Variants in BMPER observed in about 807,000 individuals in gnomAD.
BMPER encodes BMP-binding endothelial regulator protein.
BMPER carries 45 observed loss-of-function variants against 87.3 expected under a neutral mutation model. The observed-to-expected ratio is 0.52, with a 90% CI of 0.41 to 0.66. BMPER has a LOEUF of 0.66. BMPER is among the 30% of genes least tolerant of loss of function. The probability of loss-of-function intolerance (pLI) is 0.00; values close to 1 mark genes in which losing one functional copy is unlikely to be tolerated. For missense variants in BMPER, 784 were observed against 867.5 expected (o/e 0.90, Z 1.21); for synonymous variants, 326 against 316.2 (o/e 1.03, Z -0.33).
intron 8 of BMPER, among the ~76,000 whole-genome samples, chr7:34,052,980 C>A (rs535997614): frequency 6.6e-6 from 1 of 152,288 alleles, no homozygotes; most frequent in East Asian, 1.9e-4. Context: ...GGCCTTCATC[C>A]TCAGGACTTT....
At chr7:34,080,822 T>C (rs1208327410) in intron 12 of BMPER, among the ~76,000 whole-genome samples, 1 of 152,194 alleles carries the variant, frequency 6.6e-6, no homozygotes, top group African/African-American at 2.4e-5. Context: ...AGAGGTTCGA[T>C]AGTGTTCCAT....
At chr7:33,909,585 A>T (rs1030137111) in intron 2 of BMPER, among the ~76,000 whole-genome samples, 3 of 152,016 alleles carry the variant, frequency 2.0e-5, no homozygotes, top group African/African-American at 7.3e-5. Context: ...CTTTGGATAA[A>T]GAAAATAGTC....
chr7:33,923,391 T>C (rs529857022), intron 2 of BMPER, among the ~76,000 whole-genome samples: 1 of 152,328 alleles, frequency 6.6e-6, no homozygotes, highest in Admixed American at 6.5e-5. Flanking sequence ...CCCTCTTCTG[T>C]GGGGACATTG....
intron 6 of BMPER, among the ~76,000 whole-genome samples, chr7:34,013,877 C>T (rs1188863639): frequency 6.6e-6 from 1 of 151,956 alleles, no homozygotes; most frequent in Non-Finnish European, 1.5e-5. Context: ...CTTTTCTCCT[C>T]TTTTTACCCA....
At chr7:33,910,679 A>G (rs1783935878) in intron 2 of BMPER, among the ~76,000 whole-genome samples, 1 of 152,244 alleles carries the variant, frequency 6.6e-6, no homozygotes, top group African/African-American at 2.4e-5. Flanking sequence ...CCCTTTGCTC[A>G]TAAAAAGCAA....
intron 13 of BMPER, among the ~76,000 whole-genome samples, chr7:34,140,591 G>A (rs530187187): frequency 6.6e-6 from 1 of 152,270 alleles, no homozygotes; most frequent in South Asian, 2.1e-4. Flanking sequence ...TGTGGGTGAG[G>A]TGGAGTGTAT....
chr7:33,905,792 GGTACCTGGGAAAGGTGGCGCTGGCTTGC>G, intron 1 of BMPER, 46 bp downstream of exon 1: 3 of 1,539,396 alleles, frequency 1.9e-6, no homozygotes, highest in Non-Finnish European at 1.8e-6. Flanking sequence ...ACGCCGGTTT[GGTACCTGGGAAAGGTGGCGCTGGCTTGC>G]CCCGGGGATG....
chr7:34,019,531 C>T (rs1787124933), intron 6 of BMPER, among the ~76,000 whole-genome samples: 1 of 152,162 alleles, frequency 6.6e-6, no homozygotes, highest in South Asian at 2.1e-4. Context: ...GGCAAGCTGC[C>T]TGATGTTGCT....
intron 14 of BMPER, among the ~76,000 whole-genome samples, chr7:34,151,669 T>C (rs1325208092): frequency 1.3e-5 from 2 of 152,206 alleles, no homozygotes; most frequent in African/African-American, 4.8e-5. Context: ...CCAAAGCATC[T>C]GGTACAGGGA....
intron 13 of BMPER, among the ~76,000 whole-genome samples, chr7:34,118,711 G>A (rs528783090): frequency 6.6e-6 from 1 of 152,132 alleles, no homozygotes; most frequent in Non-Finnish European, 1.5e-5. Flanking sequence ...CTCTGTGCAG[G>A]TATCACTTAT....
At chr7:34,118,924 A>T (rs1291058689) in intron 13 of BMPER, among the ~76,000 whole-genome samples, 1 of 151,754 alleles carries the variant, frequency 6.6e-6, no homozygotes. Context: ...GCTACTCTAC[A>T]GATTTTGGAT....
At chr7:33,929,712 C>G (rs1217978708) in intron 2 of BMPER, among the ~76,000 whole-genome samples, 1 of 152,184 alleles carries the variant, frequency 6.6e-6, no homozygotes, top group Non-Finnish European at 1.5e-5. Flanking sequence ...CGTTTAACCT[C>G]TCCGTGCCTC....
chr7:34,111,449 G>C (rs1465479701), intron 13 of BMPER, among the ~76,000 whole-genome samples: 2 of 152,224 alleles, frequency 1.3e-5, no homozygotes, highest in Non-Finnish European at 2.9e-5. Flanking sequence ...ATTGGCTGAG[G>C]CTTGAATGTT....
chr7:34,096,725 G>A (rs540364800), intron 13 of BMPER, among the ~76,000 whole-genome samples: 14 of 152,220 alleles, frequency 9.2e-5, no homozygotes, highest in Non-Finnish European at 5.9e-5. Context: ...TTGGGGGTTG[G>A]CAGTTTTATT....
intron 13 of BMPER, among the ~76,000 whole-genome samples, chr7:34,113,579 G>A (rs557380021): frequency 1.3e-5 from 2 of 151,052 alleles, no homozygotes; most frequent in South Asian, 2.1e-4. Flanking sequence ...AAATGTCCAT[G>A]CAGTTTTACA....
At chr7:34,064,286 G>A (rs1788518160) in intron 11 of BMPER, among the ~76,000 whole-genome samples, 1 of 15,770 alleles carries the variant, frequency 6.3e-5, no homozygotes, top group African/African-American at 2.3e-4. Flanking sequence ...GCAAGACTCT[G>A]TCAAAAAAAA....
At chr7:33,989,414 C>T (rs1020588628) in intron 6 of BMPER, among the ~76,000 whole-genome samples, 83 of 152,144 alleles carry the variant, frequency 5.5e-4, no homozygotes, top group Non-Finnish European at 1.0e-3. Flanking sequence ...TAAATGTCTT[C>T]TTTTGAGAAG....
chr7:34,052,517 G>C (rs901975665), intron 8 of BMPER, among the ~76,000 whole-genome samples: 21 of 152,274 alleles, frequency 1.4e-4, no homozygotes, highest in African/African-American at 5.1e-4. Flanking sequence ...GAATTTTAAA[G>C]GGACACACAT....
At chr7:34,058,598 C>T (rs1271237972) in intron 10 of BMPER, among the ~76,000 whole-genome samples, 2 of 152,228 alleles carry the variant, frequency 1.3e-5, no homozygotes, top group African/African-American at 2.4e-5. Flanking sequence ...TCCTGCCTCA[C>T]GGCATCCCCG....
Sources: allele counts gnomAD v4.1 joint callset (sites outside exome capture counted in the v4.1 genomes callset), GRCh38; gene constraint gnomAD v4.1.1; transcripts MANE v1.5; gene names NCBI Gene and HGNC (gene_info 2026-07-23, HGNC 2026-07-21).